PRLR: variants seen among roughly 807,000 people sequenced by gnomAD.
PRLR encodes the protein prolactin receptor, also known as hPRL receptor.
PRLR carries 13 observed loss-of-function variants against 40.2 expected under a neutral mutation model. That is an observed-to-expected ratio of 0.32 (90% CI 0.21 to 0.51). The LOEUF (loss-of-function observed/expected upper bound fraction) is 0.51. PRLR is among the 20% of genes least tolerant of loss of function. The pLI, the probability that PRLR is intolerant of heterozygous loss-of-function variation, is 0.97. For synonymous variants in PRLR, 269 were observed against 278.7 expected (o/e 0.97, Z 0.35); for missense variants, 656 against 747.3 (o/e 0.88, Z 1.42).
intron 1 of PRLR, among the ~76,000 whole-genome samples, chr5:35,204,800 T>C (rs1439598672): frequency 6.6e-6 from 1 of 152,150 alleles, no homozygotes; most frequent in African/African-American, 2.4e-5. Flanking sequence ...ATGTCGACTT[T>C]CTAGTAAGGC....
intron 1 of PRLR, among the ~76,000 whole-genome samples, chr5:35,182,002 A>T (rs1009681264): frequency 7.2e-5 from 11 of 151,800 alleles, no homozygotes; most frequent in African/African-American, 1.7e-4. Context: ...CTCCCACTGC[A>T]TTTGTTGATG....
intron 1 of PRLR, among the ~76,000 whole-genome samples, chr5:35,208,661 C>A (rs1251230252): frequency 6.6e-6 from 1 of 151,882 alleles, no homozygotes; most frequent in East Asian, 1.9e-4. Flanking sequence ...AATTAAAAGA[C>A]CAACATCAAA....
chr5:35,216,635 G>A (rs973895331), intron 1 of PRLR, among the ~76,000 whole-genome samples: 9 of 152,206 alleles, frequency 5.9e-5, no homozygotes, highest in Non-Finnish European at 8.8e-5. Context: ...CAAAGACAGT[G>A]TGCTGCCTTA....
At chr5:35,072,782 T>G (rs546180046) in intron 5 of PRLR, 38 bp from the exon 6 acceptor site, 1 of 1,596,014 alleles carries the variant, frequency 6.3e-7, no homozygotes, top group East Asian at 2.2e-5. Flanking sequence ...CACTCATTGC[T>G]TGCACCTTTT....
At chr5:35,111,459 G>A (rs370066724) in intron 2 of PRLR, among the ~76,000 whole-genome samples, 3 of 152,248 alleles carry the variant, frequency 2.0e-5, no homozygotes, top group East Asian at 1.9e-4. Flanking sequence ...TTTAAAAGCC[G>A]TAAGAATGTA....
At chr5:35,119,248 C>G (rs1579693116) in intron 1 of PRLR, among the ~76,000 whole-genome samples, 1 of 152,282 alleles carries the variant, frequency 6.6e-6, no homozygotes, top group East Asian at 1.9e-4. Flanking sequence ...AATCCAGAAT[C>G]TTCAGGATTA....
chr5:35,144,482 G>C (rs1443641483), intron 1 of PRLR, among the ~76,000 whole-genome samples: 2 of 151,928 alleles, frequency 1.3e-5, no homozygotes, highest in Admixed American at 6.6e-5. Context: ...GCAGAGTCTC[G>C]CTCTATCACC....
At chr5:35,136,542 C>T (rs1034575995) in intron 1 of PRLR, among the ~76,000 whole-genome samples, 5 of 152,194 alleles carry the variant, frequency 3.3e-5, no homozygotes, top group African/African-American at 1.2e-4. Context: ...GAGAGAATCA[C>T]TGCCCTAGAA....
At chr5:35,069,853 A>T (rs1361632737) in intron 7 of PRLR, among the ~76,000 whole-genome samples, 1 of 152,218 alleles carries the variant, frequency 6.6e-6, no homozygotes, top group Admixed American at 6.5e-5. Flanking sequence ...GGAATAGGGA[A>T]GATGGTGGGA....
intron 1 of PRLR, among the ~76,000 whole-genome samples, chr5:35,167,138 C>CATCT (rs10524859): frequency 0.12 from 17,330 of 147,286 alleles, 1,060 homozygotes; most frequent in Non-Finnish European, 0.13. Context: ...GTTTGTCTAT[C>CATCT]ATCTATCTAT....
intron 5 of PRLR, among the ~76,000 whole-genome samples, chr5:35,075,817 C>G (rs975542760): frequency 6.6e-6 from 1 of 152,170 alleles, no homozygotes; most frequent in Non-Finnish European, 1.5e-5. Context: ...CTCATACACC[C>G]AGGTGCCCCT....
chr5:35,166,712 C>A (rs921950065), intron 1 of PRLR, among the ~76,000 whole-genome samples: 7 of 152,100 alleles, frequency 4.6e-5, no homozygotes, highest in Non-Finnish European at 8.8e-5. Context: ...TAAAAATTCT[C>A]AAAGGAAGCT....
intron 1 of PRLR, among the ~76,000 whole-genome samples, chr5:35,132,738 G>T (rs1477554687): frequency 6.6e-6 from 1 of 152,156 alleles, no homozygotes; most frequent in South Asian, 2.1e-4. Flanking sequence ...TAGGACATTC[G>T]TATGCAATGA....
At chr5:35,086,054 T>C (rs1309147072) in intron 4 of PRLR, among the ~76,000 whole-genome samples, 154 bp downstream of exon 4, 1 of 152,132 alleles carries the variant, frequency 6.6e-6, no homozygotes, top group Non-Finnish European at 1.5e-5. Context: ...AACAGGAGAA[T>C]GTGGGCATGG....
intron 2 of PRLR, among the ~76,000 whole-genome samples, chr5:35,106,568 G>A (rs1186398760): frequency 6.6e-6 from 1 of 152,094 alleles, no homozygotes; most frequent in Admixed American, 6.5e-5. Context: ...AAAAGCAGGA[G>A]TTGTAATCCT....
rs1769292825 is a variant in PRLR, at chr5:35,065,389, C to G, written c.1569G>C (p.Leu523Phe). Residue 523 changes from leucine (L) to phenylalanine (F), a missense_variant, in exon 10 of 10, where the codon TTG (leucine) becomes TTC (phenylalanine). Leu to Phe is a conservative substitution (Grantham distance 22, BLOSUM62 0). Transcript: ENST00000618457. Reference protein sequence around the residue: ...HKVNKDGALSLLPKQRENSGK... With the variant: ...HKVNKDGALSFLPKQRENSGK... ...CGCTGTTCTCTCTCTGTTTTGGTAGCAATGATAATGCACCATCTTTGTTGA... is the reference window on the plus strand; with the variant it reads ...CGCTGTTCTCTCTCTGTTTTGGTAGGAATGATAATGCACCATCTTTGTTGA... The G allele has an allele frequency of 6.2e-7, 1 of 1,614,048 alleles. No individual in the cohort carries two copies. Among genetic ancestry groups the G allele is most frequent in the African/African-American group, 1.3e-5 (1 of 74,918 alleles).
intron 1 of PRLR, among the ~76,000 whole-genome samples, chr5:35,192,973 G>A (rs973638664): frequency 6.6e-6 from 1 of 152,178 alleles, no homozygotes; most frequent in African/African-American, 2.4e-5. Flanking sequence ...GCTTGCATTT[G>A]CAGTTACATG....
chr5:35,165,738 A>G (rs1328062672), intron 1 of PRLR, among the ~76,000 whole-genome samples: 2 of 152,234 alleles, frequency 1.3e-5, no homozygotes, highest in African/African-American at 4.8e-5. Flanking sequence ...ATTTACTGAA[A>G]GAATTATATG....
At chr5:35,201,252 T>A (rs1775876951) in intron 1 of PRLR, among the ~76,000 whole-genome samples, 1 of 152,214 alleles carries the variant, frequency 6.6e-6, no homozygotes, top group South Asian at 2.1e-4. Flanking sequence ...ATCTTTGATG[T>A]TGAAATTCCA....
Sources: gnomAD v4.1 joint callset for allele counts (sites outside exome capture counted in the v4.1 genomes callset) on GRCh38, gnomAD v4.1.1 for gene constraint, MANE v1.5 for transcripts, NCBI Gene and HGNC (gene_info 2026-07-23, HGNC 2026-07-21) for gene names.